The following GSPT1 variants were observed in gnomAD, a reference collection of about 807,000 sequenced individuals.
GSPT1 encodes eukaryotic peptide chain release factor GTP-binding subunit ERF3A.
Under a neutral mutation model 72.5 loss-of-function variants are expected in GSPT1, and 20 were observed. The observed-to-expected ratio is 0.28, with a 90% CI of 0.19 to 0.40. The LOEUF is 0.40. Among genes scored for constraint, GSPT1 ranks in the 10% least tolerant of loss-of-function variants. The pLI is 1.00. For synonymous variants in GSPT1, 334 were observed against 293.5 expected, an observed-to-expected ratio of 1.14 and a Z score of -1.41; for missense variants, 580 against 811.9, an observed-to-expected ratio of 0.71 and a Z score of 3.47.
upstream of GSPT1, chr16:11,916,169 G>A: frequency 1.1e-5 from 4 of 362,516 alleles, no homozygotes; most frequent in South Asian, 7.8e-5. Flanking sequence ...GCCGACGGGA[G>A]TCGAAGTTCA....
intron 5 of GSPT1, among the ~76,000 whole-genome samples, chr16:11,894,236 G>A (rs2054306903): frequency 7.0e-6 from 1 of 142,388 alleles, no homozygotes; most frequent in South Asian, 2.2e-4. Context: ...TAGGTCCTCT[G>A]ATGACACAGT....
At chr16:11,912,712 A>C (rs991010189) in intron 1 of GSPT1, among the ~76,000 whole-genome samples, 1 of 152,358 alleles carries the variant, frequency 6.6e-6, no homozygotes, top group Admixed American at 6.5e-5. Context: ...AATACATCCT[A>C]TCAGATAAAA....
At chr16:11,899,234 CA>C (rs1771007632) in intron 1 of GSPT1, among the ~76,000 whole-genome samples, 2 of 152,110 alleles carry the variant, frequency 1.3e-5, no homozygotes, top group Admixed American at 1.3e-4. Context: ...CTGTAAGAGT[CA>C]AGAGAAAGTG....
In GSPT1 at chr16:11,886,942, G is replaced by C; in HGVS notation, c.958-11C>G. The stretch of plus-strand genomic sequence containing the variant: ...CCTGGCTGAGATTACCTAATTCCAA[G>C]AAAGGAAACAGTTTACTCCTTCGCC... On this transcript the variant is annotated splice_polypyrimidine_tract_variant and intron_variant, in intron 7 of 14. Coordinates refer to ENST00000434724, the MANE Select transcript of GSPT1 (RefSeq NM_002094.4). The C allele has an allele frequency of 6.2e-7, 1 of 1,607,986 alleles. No homozygotes were observed. Among genetic ancestry groups the C allele is most frequent in the South Asian group, 1.1e-5 (1 of 90,810 alleles).
intron 1 of GSPT1, chr16:11,909,057 C>G (rs2150890890): frequency 6.7e-6 from 1 of 150,330 alleles, no homozygotes; most frequent in East Asian, 1.9e-4. Context: ...AATATTCAAC[C>G]AGGAAATTAC....
intron 11 of GSPT1, chr16:11,882,608 G>C (rs1244734412): frequency 6.4e-6 from 1 of 157,022 alleles, no homozygotes; most frequent in East Asian, 1.8e-4. Flanking sequence ...GGAGCTGTTA[G>C]AGAAGCCCTG....
intron 10 of GSPT1, among the ~76,000 whole-genome samples, chr16:11,884,911 A>AC (rs1366076789): frequency 1.4e-4 from 21 of 151,824 alleles, no homozygotes; most frequent in African/African-American, 4.8e-4. Context: ...TACTAAAAAT[A>AC]TAAAAAATTA....
At chr16:11,878,504 G>C (rs1284381257) in intron 11 of GSPT1, among the ~76,000 whole-genome samples, 4 of 151,584 alleles carry the variant, frequency 2.6e-5, no homozygotes, top group East Asian at 1.9e-4. Flanking sequence ...GAGGCATGAG[G>C]ACTGCTTGAG....
At chr16:11,915,048 G>C in intron 1 of GSPT1, 1 of 1,290,636 alleles carries the variant, frequency 7.7e-7, no homozygotes. Flanking sequence ...GATCCGCCGC[G>C]GCCCCCACTC....
chr16:11,876,059 G>T lies in GSPT1; in HGVS notation c.1692+27C>A, dbSNP rs181080797. 3,219 of 1,517,626 alleles carry T rather than the reference G, an allele frequency of 2.1e-3. 15 individuals are homozygous for T. The highest frequency in any genetic ancestry group is 4.9e-3 in the Middle Eastern group (29 of 5,876). The allele number at this position is 1,517,626 out of a possible 1,614,324, so 94.0% of individuals were successfully genotyped here. On this transcript the variant is annotated intron_variant, in intron 13 of 14. Coordinates refer to ENST00000434724, the MANE Select transcript of GSPT1 (RefSeq NM_002094.4). Reference sequence around the variant, plus strand: ...ATGAAGATAAAACAGTATTAAAACAGAAATAAACCAATTATCTTAAACTCA... The same window carrying T: ...ATGAAGATAAAACAGTATTAAAACATAAATAAACCAATTATCTTAAACTCA...
At chr16:11,913,029 A>G (rs972224734) in intron 1 of GSPT1, among the ~76,000 whole-genome samples, 16 of 152,336 alleles carry the variant, frequency 1.1e-4, no homozygotes, top group African/African-American at 3.6e-4. Flanking sequence ...TGGCTTAACT[A>G]AAGAACAGAA....
chr16:11,899,860 C>A (rs33634), intron 1 of GSPT1, among the ~76,000 whole-genome samples: 150,213 of 152,186 alleles, frequency 0.99, 74,163 homozygotes, highest in East Asian at 1. Context: ...CAAGCTGTGC[C>A]TGCACTTATT....
At chr16:11,904,679 G>T (rs963193613) in intron 1 of GSPT1, among the ~76,000 whole-genome samples, 1 of 151,936 alleles carries the variant, frequency 6.6e-6, no homozygotes, top group Non-Finnish European at 1.5e-5. Flanking sequence ...AAAAAGCTAC[G>T]TTTTGATTCA....
chr16:11,872,340 AACTT>A lies in GSPT1; in HGVS notation c.*775_*778del, dbSNP rs1485412733. On this transcript the variant is annotated 3_prime_UTR_variant, in exon 15 of 15. Coordinates refer to ENST00000434724, the MANE Select transcript of GSPT1 (RefSeq NM_002094.4). ...GTATGCTGTTCTTTTATTTTAAAAC[AACTT>A]ACTGTGTTCAAGAAATCATGTTACA... 2.0e-5 allele frequency: 3 copies of A among 152,056 alleles called. No homozygotes were observed. Among genetic ancestry groups the A allele is most frequent in the Non-Finnish European group, 2.9e-5 (2 of 68,016 alleles). The allele number at this position is 152,056 out of a possible 1,614,324, so 9.4% of individuals were successfully genotyped here.
At chr16:11,895,794 T>C (rs1010608461) in intron 4 of GSPT1, among the ~76,000 whole-genome samples, 7 of 152,256 alleles carry the variant, frequency 4.6e-5, no homozygotes, top group Admixed American at 3.3e-4. Flanking sequence ...ACCTGGCTAA[T>C]TTTTGTATTT....
upstream of GSPT1, among the ~76,000 whole-genome samples, chr16:11,916,408 C>G (rs1342815801): frequency 6.6e-6 from 1 of 152,212 alleles, no homozygotes; most frequent in Non-Finnish European, 1.5e-5. Context: ...GCATCTATAA[C>G]ATGGGGAAGA....
Position 11,915,916 on chromosome 16 carries a change from G to T in GSPT1, c.-196C>A. 2.5e-6 allele frequency: 2 copies of T among 806,416 alleles called. No individual in the cohort carries two copies. The highest frequency in any genetic ancestry group is 2.2e-6 in the Non-Finnish European group (1 of 463,240). 50.0% of individuals were successfully genotyped at this position (806,416 alleles called of 1,614,324 possible). A position where few individuals can be genotyped will look rare whatever the true frequency, so the allele number is the denominator to read the frequency against. ...CACACTCGCGACGACGACAGAGGCG[G>T]CGGCGGCGGCAGCTCAACCCTCCTC... On this transcript the variant is annotated 5_prime_UTR_variant, in exon 1 of 15. Transcript: ENST00000434724.
chr16:11,889,335 T>C (rs1161340436), intron 6 of GSPT1, among the ~76,000 whole-genome samples: 1 of 126,516 alleles, frequency 7.9e-6, no homozygotes, highest in African/African-American at 3.1e-5. Flanking sequence ...TCTTCTTTTT[T>C]TTTTTTTTTT....
Position 11,915,603 on chromosome 16 carries a change from CG to C in GSPT1, c.117del (p.Pro41ArgfsTer106). ...DCWDQADMEAPGPGPCGGGGS... is the reference protein window; with the variant it reads ...DCWDQADMEAXGPGPCGGGGS... The stretch of plus-strand genomic sequence containing the variant: ...CCGCCGCCGCCGCAAGGGCCCGGCC[CG>C]GGGGCTTCCATGTCCGCCTGGTCCC... On this transcript the variant is annotated frameshift_variant, in exon 1 of 15. Transcript: ENST00000434724. LOFTEE classifies it high-confidence loss of function. 1 of 1,490,840 alleles carries C rather than the reference CG, an allele frequency of 6.7e-7. No individual in the cohort carries two copies. 92.4% of individuals were successfully genotyped at this position (1,490,840 alleles called of 1,614,324 possible).
Sources: gnomAD v4.1 joint callset for allele counts (sites outside exome capture counted in the v4.1 genomes callset) on GRCh38, gnomAD v4.1.1 for gene constraint, MANE v1.5 for transcripts, NCBI Gene and HGNC (gene_info 2026-07-23, HGNC 2026-07-21) for gene names.